The following PCDHA7 variants were observed in gnomAD, a reference collection of about 807,000 sequenced individuals.
PCDHA7 encodes protocadherin alpha-7.
In PCDHA7, 37 loss-of-function variants were observed where a neutral mutation model predicts 57.2. The ratio of observed to expected loss-of-function variants is 0.65; its 90% confidence interval spans 0.50 to 0.85. The LOEUF (loss-of-function observed/expected upper bound fraction) is 0.85, where lower values mean the gene tolerates loss of function less well. PCDHA7 is among the 40% of genes least tolerant of loss of function. The pLI is 0.00. For synonymous variants in PCDHA7, 553 were observed against 558.8 expected (o/e 0.99, Z 0.15); for missense variants, 1,188 against 1,241.8 (o/e 0.96, Z 0.65).
At chr5:140,838,285 T>TTA (rs1554136986) in intron 1 of PCDHA7, among the ~76,000 whole-genome samples, 1 of 149,460 alleles carries the variant, frequency 6.7e-6, no homozygotes, top group East Asian at 2.0e-4. Flanking sequence ...TGCTAATTTT[T>TTA]TTTTTTTTTT....
At position 140,835,382 on chromosome 5, in the gene PCDHA7, T is replaced by C. The variant is rs2150234724; in HGVS notation, c.999T>C (p.His333=). ...VDKGFPPLAG[H]CTVLVEVVDV... is the part of the protein sequence containing the mutation. ...AAGGCTTCCCACCCCTGGCTGGTCA[T>C]TGTACAGTTCTTGTGGAAGTTGTGG... The change falls in exon 1 of 4, where the codon CAT becomes CAC. Residue 333 remains histidine, a synonymous_variant. Transcript: ENST00000525929. 1.2e-6 allele frequency: 2 copies of C among 1,613,964 alleles called. No homozygotes were observed. The highest frequency in any genetic ancestry group is 4.5e-5 in the East Asian group (2 of 44,878).
intron 2 of PCDHA7, among the ~76,000 whole-genome samples, chr5:140,979,595 A>G (rs1261298748): frequency 1.3e-5 from 2 of 152,212 alleles, no homozygotes; most frequent in African/African-American, 4.8e-5. Context: ...GCTTACTTTA[A>G]ATTAACCTAG....
intron 1 of PCDHA7, among the ~76,000 whole-genome samples, chr5:140,886,851 AG>A (rs2061199020): frequency 6.6e-6 from 1 of 151,608 alleles, no homozygotes; most frequent in South Asian, 2.1e-4. Context: ...AAAAAAAGAA[AG>A]GTCTTCCCAA....
Position 140,836,089 on chromosome 5 carries a change from G to T in PCDHA7, c.1706G>T (p.Arg569Leu). The T allele has an allele frequency of 6.2e-7, 1 of 1,613,682 alleles. No individual in the cohort carries two copies. Residue 569 changes from arginine (R) to leucine (L), a missense_variant, in exon 1 of 4, where the codon CGG becomes CTG. Coordinates refer to ENST00000525929, the MANE Select transcript of PCDHA7 (RefSeq NM_018910.3). Reference protein sequence around the residue: ...NDNAPALLAPRVGGTGGAVRE... With the variant: ...NDNAPALLAPLVGGTGGAVRE... Reference sequence around the variant, plus strand: ...AACGCGCCGGCACTGCTGGCGCCTCGGGTGGGTGGCACTGGTGGCGCAGTG... The same window carrying T: ...AACGCGCCGGCACTGCTGGCGCCTCTGGTGGGTGGCACTGGTGGCGCAGTG...
chr5:140,933,441 C>T (rs1197059199), intron 1 of PCDHA7, among the ~76,000 whole-genome samples: 1 of 151,990 alleles, frequency 6.6e-6, no homozygotes, highest in African/African-American at 2.4e-5. Flanking sequence ...ACTCTAATGA[C>T]ATACCTTCAA....
chr5:140,858,632 C>CT, intron 1 of PCDHA7: 1 of 1,018,812 alleles, frequency 9.8e-7, no homozygotes, highest in Non-Finnish European at 1.4e-6. Context: ...GTGTGTCAGC[C>CT]TTTGATTGGT....
chr5:140,994,784 A>G (rs1245945274), intron 3 of PCDHA7, among the ~76,000 whole-genome samples: 2 of 152,202 alleles, frequency 1.3e-5, no homozygotes, highest in Non-Finnish European at 2.9e-5. Flanking sequence ...CAAAGGAAAC[A>G]ATGCGTGCAT....
intron 1 of PCDHA7, among the ~76,000 whole-genome samples, chr5:140,917,338 G>GGGGGGGGTGGGT (rs2078134893): frequency 7.3e-6 from 1 of 137,894 alleles, no homozygotes; most frequent in Non-Finnish European, 1.6e-5. Flanking sequence ...GGAGGGGGGG[G>GGGGGGGGTGGGT]ATGGTGTAGG....
At chr5:140,985,138 C>T (rs972329850) in intron 3 of PCDHA7, among the ~76,000 whole-genome samples, 3 of 152,016 alleles carry the variant, frequency 2.0e-5, no homozygotes, top group Non-Finnish European at 2.9e-5. Flanking sequence ...GGGGTTTCAC[C>T]GTGTTAGCCA....
intron 1 of PCDHA7, chr5:140,863,128 C>G (rs555226712): frequency 3.3e-6 from 2 of 598,142 alleles, no homozygotes; most frequent in East Asian, 8.9e-5. Context: ...TACGCGCCAC[C>G]GCCTGCTGGT....
Position 140,834,529 on chromosome 5 carries a change from C to G in PCDHA7, c.146C>G (p.Ala49Gly). The G allele has an allele frequency of 6.2e-7, 1 of 1,614,054 alleles. No homozygotes were observed. Among genetic ancestry groups the G allele is most frequent in the Non-Finnish European group, 8.5e-7 (1 of 1,180,042 alleles). ...CATGGCAACTTCGTGGGCCGCATCG[C>G]GCAGGACCTGGGGCTGGAGCTGGCG... Reference protein sequence around the residue: ...AKHGNFVGRIAQDLGLELAEL... With the variant: ...AKHGNFVGRIGQDLGLELAEL... Residue 49 changes from alanine (A) to glycine (G), a missense_variant, in exon 1 of 4, where the codon GCG (alanine) becomes GGG (glycine). Around this residue, in one of 3 missense-constraint regions of PCDHA7, gnomAD observed 194 missense variants for 185.8 expected, o/e 1.04. Transcript: ENST00000525929.
chr5:140,876,190 C>A (rs782463342), intron 1 of PCDHA7: 1 of 1,613,936 alleles, frequency 6.2e-7, no homozygotes, highest in Non-Finnish European at 8.5e-7. Context: ...TGACAATGGT[C>A]CGGCGTTTGA....
intron 1 of PCDHA7, among the ~76,000 whole-genome samples, chr5:140,913,069 C>G (rs1249708459): frequency 9.2e-5 from 14 of 152,006 alleles, no homozygotes; most frequent in Non-Finnish European, 1.5e-4. Flanking sequence ...TTTGATGTGT[C>G]ATTGTTTGGT....
intron 1 of PCDHA7, chr5:140,857,508 C>A: frequency 6.3e-7 from 1 of 1,598,226 alleles, no homozygotes; most frequent in African/African-American, 1.3e-5. Flanking sequence ...CAGGAGAACG[C>A]CCTGGTGTCC....
chr5:140,965,236 A>G (rs1374558346), intron 1 of PCDHA7, among the ~76,000 whole-genome samples: 1 of 152,222 alleles, frequency 6.6e-6, no homozygotes, highest in African/African-American at 2.4e-5. Flanking sequence ...GAACCTGGGA[A>G]GAGTGAATAT....
chr5:140,860,895 G>A (rs185431284), intron 1 of PCDHA7: 2,100 of 152,348 alleles, frequency 0.014, 26 homozygotes, highest in Non-Finnish European at 0.02. Flanking sequence ...CCGCCAACAC[G>A]CCAGGCTAAT....
intron 1 of PCDHA7, among the ~76,000 whole-genome samples, chr5:140,917,447 A>T (rs155358): frequency 0.58 from 87,947 of 151,944 alleles, 26,404 homozygotes; most frequent in African/African-American, 0.75. Flanking sequence ...TTGCTGCAAG[A>T]GCGTTTGGCA....
At chr5:140,843,944 A>G in intron 1 of PCDHA7, 2 of 570,390 alleles carry the variant, frequency 3.5e-6, no homozygotes, top group Non-Finnish European at 6.2e-6. Flanking sequence ...GTTGGATGAT[A>G]TCCATTTTTT....
chr5:140,939,710 T>A (rs1317905162), intron 1 of PCDHA7, among the ~76,000 whole-genome samples: 8 of 152,230 alleles, frequency 5.3e-5, no homozygotes, highest in Non-Finnish European at 1.2e-4. Context: ...ATTTGTGAGA[T>A]ACATTTATAT....
Sources: gnomAD v4.1 joint callset for allele counts (sites outside exome capture counted in the v4.1 genomes callset) on GRCh38, gnomAD v4.1.1 for gene constraint, gnomAD v4.1.1 regional missense constraint, MANE v1.5 for transcripts, NCBI Gene and HGNC (gene_info 2026-07-23, HGNC 2026-07-21) for gene names.